Variants in TRAK1 observed in about 807,000 individuals in gnomAD.
TRAK1 encodes the protein trafficking kinesin protein 1, also known as trafficking kinesin-binding protein 1.
In TRAK1, 33 loss-of-function variants were observed where a neutral mutation model predicts 92.1. That is an observed-to-expected ratio of 0.36 (90% CI 0.27 to 0.48). The LOEUF (loss-of-function observed/expected upper bound fraction) is 0.48. Among genes scored for constraint, TRAK1 ranks in the 20% least tolerant of loss-of-function variants. The pLI, the probability that TRAK1 is intolerant of heterozygous loss-of-function variation, is 0.99. For synonymous variants in TRAK1, 521 were observed against 517.3 expected (o/e 1.01, Z -0.10); for missense variants, 1,123 against 1,257.9 (o/e 0.89, Z 1.62).
chr3:42,210,306 G>A (rs1708865670), intron 14 of TRAK1: 1 of 1,509,690 alleles, frequency 6.6e-7, no homozygotes, highest in African/African-American at 1.4e-5. Context: ...TACAGAGTCT[G>A]ATGCCTCCTA....
At chr3:42,127,760 C>T (rs1449087161) in intron 2 of TRAK1, among the ~76,000 whole-genome samples, 2 of 152,180 alleles carry the variant, frequency 1.3e-5, no homozygotes, top group Non-Finnish European at 2.9e-5. Flanking sequence ...CACAAATTGC[C>T]TCATTTCATT....
intron 1 of TRAK1, among the ~76,000 whole-genome samples, chr3:42,110,198 A>G (rs1352024839): frequency 6.7e-6 from 1 of 149,268 alleles, no homozygotes; most frequent in Non-Finnish European, 1.5e-5. Context: ...TGTAACCAGA[A>G]CACTTATAAA....
At chr3:42,130,441 G>T (rs1193654234) in intron 2 of TRAK1, among the ~76,000 whole-genome samples, 1 of 152,074 alleles carries the variant, frequency 6.6e-6, no homozygotes, top group African/African-American at 2.4e-5. Context: ...TCAAAATATT[G>T]TTCCATCGTT....
chr3:42,013,312 CG>C (rs1701378665), upstream of TRAK1, among the ~76,000 whole-genome samples: 1 of 152,130 alleles, frequency 6.6e-6, no homozygotes, highest in African/African-American at 2.4e-5. The surrounding 1 kb of genome is among the most constrained non-coding windows in gnomAD (Gnocchi z 5.1). Context: ...CCCCGGGCCG[CG>C]GGGGTCCCAT....
In TRAK1 at chr3:42,202,719, C is replaced by G; in HGVS notation, c.1711C>G (p.Pro571Ala). The change falls in exon 13 of 16, where the codon CCT becomes GCT. Residue 571 changes from proline (P) to alanine (A), a missense_variant. Transcript: ENST00000327628. The surrounding 1 kb of genome is among the most constrained non-coding windows in gnomAD (Gnocchi z 6.1). ...GMSFSSRSYL[P>A]EKLQIVKPLE... ...GTCCTTCAGCAGCCGCTCCTACCTG[C>G]CTGAGAAGCTCCAGATCGTGAAGCC... is the stretch of plus-strand genomic sequence containing the variant. 6.2e-7 allele frequency: 1 copy of G among 1,613,970 alleles called. No homozygotes were observed. The highest frequency in any genetic ancestry group is 8.5e-7 in the Non-Finnish European group (1 of 1,179,918).
At chr3:42,222,492 T>C (rs1710454638) in intron 15 of TRAK1, among the ~76,000 whole-genome samples, 1 of 152,194 alleles carries the variant, frequency 6.6e-6, no homozygotes, top group South Asian at 2.1e-4. Flanking sequence ...CACGTCTTGC[T>C]TCAGGGAGAA....
intron 2 of TRAK1, among the ~76,000 whole-genome samples, chr3:42,141,577 TC>T (rs1392335409): frequency 3.9e-5 from 6 of 152,096 alleles, no homozygotes; most frequent in Non-Finnish European, 5.9e-5. Context: ...AGGCCAGAGG[TC>T]CAAAGTCAAG....
At chr3:42,117,641 G>A (rs1449386394) in intron 1 of TRAK1, among the ~76,000 whole-genome samples, 1 of 152,036 alleles carries the variant, frequency 6.6e-6, no homozygotes, top group African/African-American at 2.4e-5. Context: ...GTTCTCCTGG[G>A]CTTAGAGCCC....
chr3:42,061,521 A>G (rs1357445394), intron 1 of TRAK1, among the ~76,000 whole-genome samples: 1 of 152,046 alleles, frequency 6.6e-6, no homozygotes, highest in Non-Finnish European at 1.5e-5. Context: ...ATACGGGGAA[A>G]ACAATCAGCT....
At chr3:42,215,647 G>A (rs1465309133) in intron 14 of TRAK1, among the ~76,000 whole-genome samples, 2 of 152,106 alleles carry the variant, frequency 1.3e-5, no homozygotes, top group African/African-American at 4.8e-5. Context: ...TACACAAGTC[G>A]GCCACTTCCC....
chr3:42,223,621 C>T lies in TRAK1; in HGVS notation c.2746C>T (p.Arg916Trp), dbSNP rs756868758. The change falls in exon 16 of 16, where the codon CGG (arginine) becomes TGG (tryptophan). Residue 916 changes from arginine (R) to tryptophan (W), a missense_variant. Coordinates refer to ENST00000327628, the MANE Select transcript of TRAK1 (RefSeq NM_001042646.3). This position sits in a 1 kb window ranked among gnomAD's most constrained non-coding sequence, Gnocchi z 6.1. ...GCTGCAGCTCAATAGTGGCATCCGGCGGAATCGCAGCTTCCCCACCATGGT... is the reference window on the plus strand; with the variant it reads ...GCTGCAGCTCAATAGTGGCATCCGGTGGAATCGCAGCTTCCCCACCATGGT... ...GGLQLNSGIR[R>W]NRSFPTMVGS... 6.2e-6 allele frequency: 10 copies of T among 1,613,910 alleles called. No individual in the cohort carries two copies. Among genetic ancestry groups the T allele is most frequent in the Admixed American group, 1.7e-5 (1 of 59,996 alleles).
chr3:42,042,228 G>A (rs768478726), intron 1 of TRAK1, among the ~76,000 whole-genome samples: 6 of 151,990 alleles, frequency 3.9e-5, no homozygotes, highest in East Asian at 3.9e-4. Flanking sequence ...AGCTCGGCCT[G>A]TTTCTAGTTT....
intron 1 of TRAK1, among the ~76,000 whole-genome samples, chr3:42,058,710 C>T (rs1703299918): frequency 6.6e-6 from 1 of 152,158 alleles, no homozygotes; most frequent in South Asian, 2.1e-4. Flanking sequence ...CTTTAATGTC[C>T]ATTGTGGGCC....
chr3:42,163,396 C>G (rs1701493273), intron 2 of TRAK1, among the ~76,000 whole-genome samples: 1 of 152,068 alleles, frequency 6.6e-6, no homozygotes, highest in East Asian at 1.9e-4. Flanking sequence ...TGGTGAACCC[C>G]TGTCTCTACT....
chr3:42,025,993 CTT>C (rs1404118450), intron 1 of TRAK1, among the ~76,000 whole-genome samples: 1 of 152,094 alleles, frequency 6.6e-6, no homozygotes, highest in East Asian at 1.9e-4. Context: ...GTCTCTGTTT[CTT>C]TGTTTCTCTC....
At chr3:42,218,887 C>A (rs1247704803) in intron 14 of TRAK1, 33 of 985,280 alleles carry the variant, frequency 3.3e-5, no homozygotes, top group Non-Finnish European at 4.0e-5. Context: ...GAGCCCTGAT[C>A]TCTGGAACTC....
At chr3:42,050,647 A>G (rs1054144987) in intron 1 of TRAK1, among the ~76,000 whole-genome samples, 1 of 151,828 alleles carries the variant, frequency 6.6e-6, no homozygotes, top group South Asian at 2.1e-4. Context: ...TGGGTTTATT[A>G]TATCTTATTT....
At position 42,209,873 on chromosome 3, in the gene TRAK1, T is replaced by G; in HGVS notation, c.1851T>G (p.Val617=). Reference sequence around the variant, plus strand: ...CCAAGGGCTTCCGGACGCTGGATGTTGACCTGGACGAAGTGTACTGCCTTA... The same window carrying G: ...CCAAGGGCTTCCGGACGCTGGATGTGGACCTGGACGAAGTGTACTGCCTTA... The part of the protein sequence containing the change: ...VVTKGFRTLD[V]DLDEVYCLND... Residue 617 remains valine, a synonymous_variant, in exon 14 of 16, where the codon GTT becomes GTG. Transcript: ENST00000327628. 1 of 1,614,204 alleles carries G rather than the reference T, an allele frequency of 6.2e-7. No homozygotes were observed. Among genetic ancestry groups the G allele is most frequent in the South Asian group, 1.1e-5 (1 of 91,088 alleles).
At chr3:42,151,734 G>A (rs1013753824) in intron 2 of TRAK1, among the ~76,000 whole-genome samples, 3 of 152,188 alleles carry the variant, frequency 2.0e-5, no homozygotes, top group Non-Finnish European at 4.4e-5. Flanking sequence ...TTCCTTCCTA[G>A]CTTCAGGCAG....
Sources: gnomAD v4.1 joint callset for allele counts (sites outside exome capture counted in the v4.1 genomes callset) on GRCh38, gnomAD v4.1.1 for gene constraint, Gnocchi (gnomAD v3.1) non-coding constraint, MANE v1.5 for transcripts, NCBI Gene and HGNC (gene_info 2026-07-23, HGNC 2026-07-21) for gene names.